The following RAD18 variants were observed in gnomAD, a reference collection of about 807,000 sequenced individuals.
RAD18 encodes the protein RAD18 E3 ubiquitin protein ligase, also known as E3 ubiquitin-protein ligase RAD18.
In RAD18, 47 loss-of-function variants were observed where a neutral mutation model predicts 60.4. That is an observed-to-expected ratio of 0.78 (90% CI 0.62 to 0.99). The LOEUF (loss-of-function observed/expected upper bound fraction) is 0.99. Among genes scored for constraint, RAD18 ranks in the 50% least tolerant of loss-of-function variants. The pLI, the probability that RAD18 is intolerant of heterozygous loss-of-function variation, is 0.00. For missense variants in RAD18, 640 were observed against 593.3 expected (o/e 1.08, Z -0.82); for synonymous variants, 225 against 195.5 (o/e 1.15, Z -1.26).
At chr3:8,922,513 C>A (rs1226408218) in intron 7 of RAD18, among the ~76,000 whole-genome samples, 2 of 152,240 alleles carry the variant, frequency 1.3e-5, no homozygotes, top group African/African-American at 4.8e-5. Flanking sequence ...AAACAAAAGG[C>A]AGCAGAAACC....
intron 4 of RAD18, among the ~76,000 whole-genome samples, chr3:8,942,524 G>A (rs1244201158): frequency 2.6e-5 from 4 of 152,140 alleles, no homozygotes; most frequent in African/African-American, 9.7e-5. Context: ...ACAACTCTTT[G>A]TAGGCACTGG....
chr3:8,930,947 T>C (rs980244240), intron 7 of RAD18, among the ~76,000 whole-genome samples: 3 of 151,938 alleles, frequency 2.0e-5, no homozygotes, highest in African/African-American at 7.3e-5. Flanking sequence ...AAAAAAAGAT[T>C]GGAGAAAGGA....
chr3:8,908,229 G>T (rs753102631), intron 9 of RAD18, among the ~76,000 whole-genome samples: 1 of 151,920 alleles, frequency 6.6e-6, no homozygotes, highest in Non-Finnish European at 1.5e-5. Flanking sequence ...GAGAGCAAGA[G>T]GCTCTTCCCC....
rs999063233 is a variant in RAD18, at chr3:8,879,950, T to G, written c.*1407A>C. Reference sequence around the variant, plus strand: ...CAAACAGTTTTCATTTTGACATAATTTCTGACAACTCAGTGACATAAATAT... The same window carrying G: ...CAAACAGTTTTCATTTTGACATAATGTCTGACAACTCAGTGACATAAATAT... On this transcript the variant is annotated 3_prime_UTR_variant, in exon 13 of 13. Transcript: ENST00000264926. 8.5e-5 allele frequency: 13 copies of G among 152,240 alleles called. No homozygotes were observed. The highest frequency in any genetic ancestry group is 3.1e-4 in the African/African-American group (13 of 41,458). 9.4% of individuals were successfully genotyped at this position (152,240 alleles called of 1,614,324 possible). A position where few individuals can be genotyped will look rare whatever the true frequency, so the allele number is the denominator to read the frequency against.
chr3:8,917,384 G>A (rs1048933198), intron 7 of RAD18, among the ~76,000 whole-genome samples: 3 of 152,082 alleles, frequency 2.0e-5, no homozygotes, highest in African/African-American at 7.2e-5. Flanking sequence ...TAAACATGAA[G>A]ATAAGTATAA....
At chr3:8,893,242 A>G (rs1456595576) in intron 11 of RAD18, among the ~76,000 whole-genome samples, 5 of 152,188 alleles carry the variant, frequency 3.3e-5, no homozygotes, top group Non-Finnish European at 7.4e-5. Flanking sequence ...GGGTAGGAAA[A>G]AACGCAAACA....
Position 8,921,639 on chromosome 3 carries a change from T to TA in RAD18, c.890-7920_890-7919insT, listed in dbSNP as rs529955227. On this transcript the variant is annotated intron_variant, in intron 7 of 12. Transcript: ENST00000264926. ...TGGGTGACAGAGCAAGACCCTATCT[T>TA]TAAAAAAAAACAAGACAGAATGAAC... 5.1e-4 allele frequency among the ~76,000 whole-genome samples: 76 copies of TA among 148,878 alleles called. No homozygotes were observed. In the East Asian group the frequency reaches 5.9e-3, roughly 11 times the overall value.
intron 12 of RAD18, among the ~76,000 whole-genome samples, chr3:8,888,192 C>A (rs917253897): frequency 2.0e-5 from 3 of 152,220 alleles, no homozygotes; most frequent in African/African-American, 7.2e-5. Flanking sequence ...TGTGGACCTG[C>A]ACGGTGTGCC....
In RAD18 at chr3:8,899,055, AAAAT is replaced by A. The variant is rs775288427; in HGVS notation, c.1169-12_1169-9del. On this transcript the variant is annotated splice_polypyrimidine_tract_variant and intron_variant, in intron 10 of 12. Coordinates refer to ENST00000264926, the MANE Select transcript of RAD18 (RefSeq NM_020165.4). Reference sequence around the variant, plus strand: ...TCATATTATCTTCCTGTCCTAGGAAAAAATAAATTTAAGAGTACCTTAAAATCTA... The same window carrying A: ...TCATATTATCTTCCTGTCCTAGGAAAAAATTTAAGAGTACCTTAAAATCTA... 1 of 1,565,506 alleles carries A rather than the reference AAAAT, an allele frequency of 6.4e-7. No individual in the cohort carries two copies. Among genetic ancestry groups the A allele is most frequent in the Non-Finnish European group, 8.7e-7 (1 of 1,155,380 alleles).
intron 2 of RAD18, among the ~76,000 whole-genome samples, chr3:8,957,183 T>A (rs1941028794): frequency 6.6e-6 from 1 of 152,106 alleles, no homozygotes; most frequent in South Asian, 2.1e-4. Flanking sequence ...TTGAGAGAAA[T>A]AAAGATAGAG....
intron 11 of RAD18, among the ~76,000 whole-genome samples, chr3:8,891,639 C>G (rs1939694594): frequency 6.6e-6 from 1 of 152,212 alleles, no homozygotes; most frequent in Admixed American, 6.5e-5. Context: ...AGCCAGGCTG[C>G]ACAGCTCCCT....
At position 8,963,370 on chromosome 3, in the gene RAD18, C is replaced by T. The variant is rs779574878; in HGVS notation, c.16G>A (p.Glu6Lys). 5 of 1,611,040 alleles carry T rather than the reference C, an allele frequency of 3.1e-6. No homozygotes were observed. Among genetic ancestry groups the T allele is most frequent in the Non-Finnish European group, 4.2e-6 (5 of 1,178,688 alleles). MDSLAESRWPPGLAVM... is the reference protein window; with the variant it reads MDSLAKSRWPPGLAVM... ...GCCAGGCCCGGAGGCCACCGAGACT[C>T]GGCCAGGGAGTCCATGGTCGCTCCC... The change falls in exon 1 of 13, where the codon GAG (glutamate) becomes AAG (lysine). Residue 6 changes from glutamate (E) to lysine (K), a missense_variant. By Grantham distance (56) the Glu-to-Lys change is moderately conservative. Transcript: ENST00000264926.
chr3:8,953,720 G>C (rs1166131235), intron 2 of RAD18, among the ~76,000 whole-genome samples: 1 of 152,116 alleles, frequency 6.6e-6, no homozygotes, highest in African/African-American at 2.4e-5. Flanking sequence ...AGCCTTGGGA[G>C]AGGGGGCATC....
intron 7 of RAD18, among the ~76,000 whole-genome samples, chr3:8,927,185 T>C (rs1419698536): frequency 6.6e-6 from 1 of 152,178 alleles, no homozygotes; most frequent in Non-Finnish European, 1.5e-5. Context: ...ATATCCAGAA[T>C]CTACAATGAA....
At chr3:8,902,691 C>T (rs544372358) in intron 9 of RAD18, among the ~76,000 whole-genome samples, 171 bp from the exon 10 acceptor site, 1 of 152,258 alleles carries the variant, frequency 6.6e-6, no homozygotes. Flanking sequence ...GAGTTCGAAA[C>T]CAGCGTGGCC....
At chr3:8,911,567 A>G (rs939479699) in intron 9 of RAD18, among the ~76,000 whole-genome samples, 4 of 152,104 alleles carry the variant, frequency 2.6e-5, no homozygotes, top group African/African-American at 9.7e-5. Context: ...CTACTCTAGC[A>G]AGGCACAGGC....
At chr3:8,918,684 A>G (rs1940255355) in intron 7 of RAD18, among the ~76,000 whole-genome samples, 2 of 152,214 alleles carry the variant, frequency 1.3e-5, no homozygotes, top group Admixed American at 6.5e-5. Context: ...AAAAGCCTCA[A>G]GAAAAATCTA....
At chr3:8,959,416 A>T (rs1941061925) in intron 1 of RAD18, among the ~76,000 whole-genome samples, 2 of 152,242 alleles carry the variant, frequency 1.3e-5, no homozygotes, top group Admixed American at 6.5e-5. Flanking sequence ...ACAAGTTAAG[A>T]ATCAAATCAA....
chr3:8,958,855 T>A, intron 2 of RAD18, 65 bp downstream of exon 2: 1 of 1,269,052 alleles, frequency 7.9e-7, no homozygotes, highest in Non-Finnish European at 1.2e-6. Flanking sequence ...ATCTTTGGTG[T>A]TAAATTAACA....
Sources: gnomAD v4.1 joint callset for allele counts (sites outside exome capture counted in the v4.1 genomes callset) on GRCh38, gnomAD v4.1.1 for gene constraint, MANE v1.5 for transcripts, NCBI Gene and HGNC (gene_info 2026-07-23, HGNC 2026-07-21) for gene names.